The following TNFSF4 variants were observed in gnomAD, a reference collection of about 807,000 sequenced individuals.
TNFSF4 encodes the protein tumor necrosis factor ligand superfamily member 4.
A neutral mutation model predicts 7.3 loss-of-function variants in TNFSF4; 4 were observed. The ratio of observed to expected loss-of-function variants is 0.55; its 90% CI spans 0.27 to 1.25. TNFSF4 has a LOEUF of 1.25. Among genes scored for constraint, TNFSF4 ranks in the 50% most tolerant of loss-of-function variants. The pLI, the probability that TNFSF4 is intolerant of heterozygous loss-of-function variation, is 0.12. For missense variants in TNFSF4, 181 were observed against 208.8 expected, an observed-to-expected ratio of 0.87 and a Z score of 0.82; for synonymous variants, 76 against 83.7, an observed-to-expected ratio of 0.91 and a Z score of 0.50.
At chr1:173,322,882 G>A in the TNFSF4 span, among the ~76,000 whole-genome samples, 13 of 152,288 alleles carry the variant, frequency 8.5e-5, no homozygotes, top group South Asian at 1.0e-3. Context: ...TAAACAAAGC[G>A]GCAGGGAAGC....
chr1:173,239,887 C>A, the TNFSF4 span, among the ~76,000 whole-genome samples: 1 of 152,106 alleles, frequency 6.6e-6, no homozygotes, highest in Non-Finnish European at 1.5e-5. Context: ...AAACAATTAG[C>A]CAGGTTTGGT....
the TNFSF4 span, among the ~76,000 whole-genome samples, chr1:173,214,666 G>T: frequency 6.6e-6 from 1 of 152,120 alleles, no homozygotes; most frequent in Admixed American, 6.5e-5. Flanking sequence ...AGCCGTCCTG[G>T]GCCACATGTG....
chr1:173,176,146 T>C, the TNFSF4 span, among the ~76,000 whole-genome samples: 4 of 152,124 alleles, frequency 2.6e-5, no homozygotes, highest in East Asian at 7.7e-4. Context: ...TTTTTGTGGG[T>C]ACATAATTAT....
At chr1:173,405,577 C>A in the TNFSF4 span, among the ~76,000 whole-genome samples, 1 of 152,276 alleles carries the variant, frequency 6.6e-6, no homozygotes, top group South Asian at 2.1e-4. Context: ...ATTTCTTATA[C>A]AATCAAGTAT....
chr1:173,216,976 C>T, the TNFSF4 span, among the ~76,000 whole-genome samples: 3 of 152,112 alleles, frequency 2.0e-5, no homozygotes, highest in Non-Finnish European at 4.4e-5. Flanking sequence ...CCCAGAAGTC[C>T]CAAAGGATGT....
At chr1:173,282,554 G>C in the TNFSF4 span, among the ~76,000 whole-genome samples, 16 of 152,012 alleles carry the variant, frequency 1.1e-4, no homozygotes, top group African/African-American at 3.9e-4. Flanking sequence ...CACCTCCCAG[G>C]TTCAAGTGAT....
At chr1:173,286,361 T>G in the TNFSF4 span, among the ~76,000 whole-genome samples, 1 of 152,164 alleles carries the variant, frequency 6.6e-6, no homozygotes, top group Non-Finnish European at 1.5e-5. Flanking sequence ...CAAACCATTA[T>G]GAAACTGAAG....
At chr1:173,389,422 A>T in the TNFSF4 span, among the ~76,000 whole-genome samples, 1 of 151,994 alleles carries the variant, frequency 6.6e-6, no homozygotes, top group South Asian at 2.1e-4. Context: ...CATTCTCTTT[A>T]TTTCTTTTTC....
At chr1:173,179,089 C>A (rs1293436480), downstream of TNFSF4, among the ~76,000 whole-genome samples, 1 of 152,214 alleles carries the variant, frequency 6.6e-6, no homozygotes, top group Non-Finnish European at 1.5e-5. Flanking sequence ...CTCCAAGACT[C>A]ATTTCAGACT....
At chr1:173,376,721 A>C in the TNFSF4 span, among the ~76,000 whole-genome samples, 1 of 152,202 alleles carries the variant, frequency 6.6e-6, no homozygotes, top group Non-Finnish European at 1.5e-5. Flanking sequence ...ATAAGGGAAT[A>C]AAAGCTGGCC....
the TNFSF4 span, among the ~76,000 whole-genome samples, chr1:173,240,112 C>G: frequency 1.3e-5 from 2 of 152,244 alleles, no homozygotes; most frequent in African/African-American, 4.8e-5. Flanking sequence ...CTGGCCCCCA[C>G]ATTCAACAAC....
chr1:173,237,027 G>C, the TNFSF4 span, among the ~76,000 whole-genome samples: 1 of 152,156 alleles, frequency 6.6e-6, no homozygotes, highest in African/African-American at 2.4e-5. Flanking sequence ...CCCCCATATT[G>C]TTCTCATGGT....
At chr1:173,419,618 G>C in the TNFSF4 span, among the ~76,000 whole-genome samples, 1 of 152,136 alleles carries the variant, frequency 6.6e-6, no homozygotes, top group Admixed American at 6.5e-5. Context: ...TCACAGAAGA[G>C]AGAGGAGGGT....
chr1:173,342,509 C>T, the TNFSF4 span, among the ~76,000 whole-genome samples: 2 of 149,632 alleles, frequency 1.3e-5, no homozygotes, highest in Non-Finnish European at 3.0e-5. Context: ...ACGAATGATG[C>T]ATTATGCAAA....
the TNFSF4 span, among the ~76,000 whole-genome samples, chr1:173,250,749 G>A: frequency 1.3e-5 from 2 of 152,180 alleles, no homozygotes; most frequent in Admixed American, 6.5e-5. Flanking sequence ...GTGAGCCACC[G>A]CGCCCGGCCT....
At chr1:173,328,580 C>T in the TNFSF4 span, among the ~76,000 whole-genome samples, 3 of 151,228 alleles carry the variant, frequency 2.0e-5, no homozygotes, top group Non-Finnish European at 4.4e-5. Flanking sequence ...AAAAAAAACC[C>T]TAGATGATGG....
the TNFSF4 span, among the ~76,000 whole-genome samples, chr1:173,336,342 G>C: frequency 2.6e-5 from 4 of 152,320 alleles, no homozygotes; most frequent in East Asian, 7.7e-4. Context: ...GGATCTCAGA[G>C]AATTACAGTG....
chr1:173,408,499 A>G, the TNFSF4 span, among the ~76,000 whole-genome samples: 1 of 152,248 alleles, frequency 6.6e-6, no homozygotes, highest in Non-Finnish European at 1.5e-5. Context: ...AATTTAAAAA[A>G]TCACTGCTTG....
At chr1:173,351,648 A>G in the TNFSF4 span, 1 of 257,148 alleles carries the variant, frequency 3.9e-6, no homozygotes, top group South Asian at 1.3e-4. Flanking sequence ...GGACACAGCT[A>G]AGGCCATGTT....
Sources: gnomAD v4.1 joint callset for allele counts (sites outside exome capture counted in the v4.1 genomes callset) on GRCh38, gnomAD v4.1.1 for gene constraint, MANE v1.5 for transcripts, NCBI Gene and HGNC (gene_info 2026-07-23, HGNC 2026-07-21) for gene names.